The following CCDC88C variants were observed in gnomAD, a reference collection of about 807,000 sequenced individuals.
CCDC88C encodes coiled-coil and HOOK domain protein 88C, also known as protein Daple.
CCDC88C carries 131 observed loss-of-function variants against 198.8 expected under a neutral mutation model. That is an observed-to-expected ratio of 0.66 (90% confidence interval 0.57 to 0.76). The LOEUF (loss-of-function observed/expected upper bound fraction) is 0.76. Ranked by LOEUF, CCDC88C falls within the 30% of genes least tolerant of loss-of-function variation. The pLI is 0.00. For synonymous variants in CCDC88C, 1,166 were observed against 1,114.7 expected, an observed-to-expected ratio of 1.05 and a Z score of -0.92; for missense variants, 2,553 against 2,631.6, an observed-to-expected ratio of 0.97 and a Z score of 0.65.
At chr14:91,324,758 C>T (rs1385597035) in intron 12 of CCDC88C, 21 bp downstream of exon 12, 2 of 1,606,740 alleles carry the variant, frequency 1.2e-6, no homozygotes, top group Non-Finnish European at 1.7e-6. Context: ...GGCTGGCTCC[C>T]CGGCACCAGG....
chr14:91,317,159 C>T (rs1335512415), intron 13 of CCDC88C, among the ~76,000 whole-genome samples: 1 of 152,222 alleles, frequency 6.6e-6, no homozygotes, highest in Non-Finnish European at 1.5e-5. Context: ...TACAAAGCTA[C>T]AGACACAGAG....
Position 91,393,339 on chromosome 14 carries a change from C to T in CCDC88C, c.270+15320G>A, listed in dbSNP as rs920681304. ...AGTAGGATGGGAGCCCCCCCACCCC[C>T]TAAACCCCCAGCCCTGCAGGCAGAG... On this transcript the variant is annotated intron_variant, in intron 3 of 29. Coordinates refer to ENST00000389857, the MANE Select transcript of CCDC88C (RefSeq NM_001080414.4). 7.2e-5 allele frequency among the ~76,000 whole-genome samples: 11 copies of T among 152,278 alleles called. No individual in the cohort carries two copies. In the South Asian group the frequency reaches 2.1e-3, roughly 29 times the overall value.
chr14:91,278,645 T>G (rs891270159), intron 28 of CCDC88C, among the ~76,000 whole-genome samples: 1 of 152,132 alleles, frequency 6.6e-6, no homozygotes, highest in Non-Finnish European at 1.5e-5. Context: ...CACAGTAGAA[T>G]GGAACTAGTG....
intron 16 of CCDC88C, among the ~76,000 whole-genome samples, chr14:91,309,554 A>T (rs919615667): frequency 6.6e-6 from 1 of 151,452 alleles, no homozygotes; most frequent in Non-Finnish European, 1.5e-5. Flanking sequence ...ACATGGAGGT[A>T]AGCCGAAATC....
At chr14:91,298,114 T>C (rs1353913888) in intron 21 of CCDC88C, among the ~76,000 whole-genome samples, 2 of 152,224 alleles carry the variant, frequency 1.3e-5, no homozygotes, top group East Asian at 1.9e-4. Context: ...CGTGTCTTAT[T>C]TGGCCTGTAC....
At chr14:91,292,997 G>A (rs928443410) in intron 23 of CCDC88C, among the ~76,000 whole-genome samples, 3 of 149,454 alleles carry the variant, frequency 2.0e-5, no homozygotes, top group East Asian at 1.9e-4. Context: ...CACATTCCCC[G>A]CACTTAGACC....
intron 13 of CCDC88C, among the ~76,000 whole-genome samples, chr14:91,319,854 C>T (rs1441405770): frequency 6.6e-6 from 1 of 151,842 alleles, no homozygotes; most frequent in African/African-American, 2.4e-5. Context: ...GGCAAAACCC[C>T]GTCTCTACTA....
intron 10 of CCDC88C, among the ~76,000 whole-genome samples, chr14:91,333,686 G>A (rs1255548105): frequency 6.6e-6 from 1 of 152,164 alleles, no homozygotes; most frequent in Non-Finnish European, 1.5e-5. Context: ...ATTTTTTTAA[G>A]GGGGGCAAGA....
chr14:91,375,301 CAG>C (rs1884335126), intron 3 of CCDC88C, among the ~76,000 whole-genome samples: 1 of 152,114 alleles, frequency 6.6e-6, no homozygotes, highest in African/African-American at 2.4e-5. Context: ...GAGAGAGAGA[CAG>C]GCTGTGTGAA....
chr14:91,343,735 A>T, intron 4 of CCDC88C, 78 bp from the exon 5 acceptor site: 1 of 1,546,314 alleles, frequency 6.5e-7, no homozygotes, highest in Admixed American at 1.8e-5. Context: ...GTAGGGAAAA[A>T]ACAGATAAAA....
At chr14:91,321,728 T>C (rs1385275054) in intron 12 of CCDC88C, among the ~76,000 whole-genome samples, 1 of 152,192 alleles carries the variant, frequency 6.6e-6, no homozygotes, top group African/African-American at 2.4e-5. Flanking sequence ...GGCACGTAAC[T>C]GACCACTCCC....
chr14:91,276,538 T>G (rs1889973499), intron 29 of CCDC88C, among the ~76,000 whole-genome samples: 1 of 152,276 alleles, frequency 6.6e-6, no homozygotes, highest in Non-Finnish European at 1.5e-5. Context: ...GCAGGCACCA[T>G]GCATACTGCT....
Position 91,325,865 on chromosome 14 carries a change from G to A in CCDC88C, c.1197+45C>T, listed in dbSNP as rs897025023. On this transcript the variant is annotated intron_variant, in intron 11 of 29. Coordinates refer to ENST00000389857, the MANE Select transcript of CCDC88C (RefSeq NM_001080414.4). The surrounding 1 kb of genome is among the most constrained non-coding windows in gnomAD (Gnocchi z 4.1). Reference sequence around the variant, plus strand: ...ATTACAGGCATGAGCCACTGTGCCCGAGCCCAATCTGTTTTCAATGTAGTA... The same window carrying A: ...ATTACAGGCATGAGCCACTGTGCCCAAGCCCAATCTGTTTTCAATGTAGTA... 14 of 1,518,898 alleles carry A rather than the reference G, an allele frequency of 9.2e-6. No individual in the cohort carries two copies. Among genetic ancestry groups the A allele is most frequent in the Middle Eastern group, 1.8e-4 (1 of 5,420 alleles). 94.1% of individuals were successfully genotyped at this position (1,518,898 alleles called of 1,614,324 possible).
chr14:91,303,161 C>T (rs1891380486), intron 20 of CCDC88C, among the ~76,000 whole-genome samples: 1 of 152,104 alleles, frequency 6.6e-6, no homozygotes, highest in Non-Finnish European at 1.5e-5. Flanking sequence ...CTCCCCAGGC[C>T]TGGCCTCAGG....
chr14:91,281,696 C>A (rs1182890050), intron 26 of CCDC88C, among the ~76,000 whole-genome samples, 171 bp from the exon 27 acceptor site: 4 of 152,144 alleles, frequency 2.6e-5, no homozygotes, highest in African/African-American at 9.7e-5. Context: ...TCCACCGTTT[C>A]TCCTGCTGGG....
intron 22 of CCDC88C, among the ~76,000 whole-genome samples, chr14:91,294,802 C>T (rs888928379): frequency 3.9e-5 from 6 of 152,160 alleles, no homozygotes; most frequent in African/African-American, 7.2e-5. Flanking sequence ...GGATTACAGG[C>T]GCGTGCCACC....
In CCDC88C at chr14:91,305,726, G is replaced by A. The variant is rs115618934; in HGVS notation, c.3357+39C>T. Reference sequence around the variant, plus strand: ...CCCAGGAGCCACAGATAAACATCCCGCCAGGCTTGTGACCACTGGTGTTGG... The same window carrying A: ...CCCAGGAGCCACAGATAAACATCCCACCAGGCTTGTGACCACTGGTGTTGG... On this transcript the variant is annotated intron_variant, in intron 19 of 29. Coordinates refer to ENST00000389857, the MANE Select transcript of CCDC88C (RefSeq NM_001080414.4). The A allele has an allele frequency of 3.5e-3, 5,534 of 1,573,260 alleles. 124 individuals are homozygous for A. In the African/African-American group the frequency reaches 0.053, roughly 15 times the overall value.
chr14:91,402,701 T>C (rs1886276677), intron 3 of CCDC88C, among the ~76,000 whole-genome samples: 1 of 152,190 alleles, frequency 6.6e-6, no homozygotes, highest in African/African-American at 2.4e-5. Flanking sequence ...AATTTTTATT[T>C]CTTAAAAAAG....
At chr14:91,304,529 T>C (rs757305567) in intron 19 of CCDC88C, among the ~76,000 whole-genome samples, 16 of 152,186 alleles carry the variant, frequency 1.1e-4, no homozygotes, top group Non-Finnish European at 2.1e-4. Context: ...TTGGAGGTTA[T>C]AGTGAGCTAT....
Sources: gnomAD v4.1 joint callset for allele counts (sites outside exome capture counted in the v4.1 genomes callset) on GRCh38, gnomAD v4.1.1 for gene constraint, Gnocchi (gnomAD v3.1) non-coding constraint, MANE v1.5 for transcripts, NCBI Gene and HGNC (gene_info 2026-07-23, HGNC 2026-07-21) for gene names.